RANBP2: variants seen among roughly 807,000 people sequenced by gnomAD.
RANBP2 encodes E3 SUMO-protein ligase RanBP2.
RANBP2 carries 57 observed loss-of-function variants against 303.6 expected under a neutral mutation model. The observed-to-expected ratio is 0.19, with a 90% CI of 0.15 to 0.23. The LOEUF is 0.23. Ranked by LOEUF, RANBP2 falls within the 10% of genes least tolerant of loss-of-function variation. The pLI, the probability that RANBP2 is intolerant of heterozygous loss-of-function variation, is 1.00. For synonymous variants in RANBP2, 1,167 were observed against 1,301.5 expected (o/e 0.90, Z 2.23); for missense variants, 3,138 against 3,780.8 (o/e 0.83, Z 4.46).
chr2:108,921,831 G>A, the RANBP2 span, among the ~76,000 whole-genome samples: 1 of 152,218 alleles, frequency 6.6e-6, no homozygotes, highest in Non-Finnish European at 1.5e-5. Context: ...CGAGGTCTGG[G>A]GCCTTGCCCA....
At chr2:109,213,675 G>T in the RANBP2 span, among the ~76,000 whole-genome samples, 1 of 152,190 alleles carries the variant, frequency 6.6e-6, no homozygotes, top group Admixed American at 6.5e-5. Flanking sequence ...CTAAGGTCAG[G>T]TCAAGATGGC....
At chr2:109,369,863 T>G in the RANBP2 span, among the ~76,000 whole-genome samples, 1 of 152,236 alleles carries the variant, frequency 6.6e-6, no homozygotes, top group African/African-American at 2.4e-5. Flanking sequence ...TCTCTCCCTC[T>G]GACCCCAAAA....
At chr2:109,564,588 C>T in the RANBP2 span, 1 of 1,396,604 alleles carries the variant, frequency 7.2e-7, no homozygotes, top group Non-Finnish European at 9.5e-7. Flanking sequence ...TCCTGGCACA[C>T]AACTAAGTGT....
chr2:109,417,886 A>G, the RANBP2 span, among the ~76,000 whole-genome samples: 1 of 152,216 alleles, frequency 6.6e-6, no homozygotes, highest in South Asian at 2.1e-4. Flanking sequence ...AAGCAAGGCC[A>G]GAACTGGTCA....
At chr2:108,756,575 T>G (rs1184826102) in intron 17 of RANBP2, among the ~76,000 whole-genome samples, 4 of 152,206 alleles carry the variant, frequency 2.6e-5, no homozygotes, top group Admixed American at 6.5e-5. Flanking sequence ...TTTTGAATGT[T>G]AATTCTGTGT....
the RANBP2 span, among the ~76,000 whole-genome samples, chr2:108,925,995 C>A: frequency 8.5e-5 from 13 of 152,312 alleles, no homozygotes; most frequent in African/African-American, 2.9e-4. Context: ...GTGTTCAGTG[C>A]CTCCTGACAA....
the RANBP2 span, among the ~76,000 whole-genome samples, chr2:109,654,356 T>C: frequency 1.3e-5 from 2 of 151,914 alleles, no homozygotes; most frequent in Non-Finnish European, 2.9e-5. Context: ...TAAAAAATGT[T>C]GTTAGGGTCA....
At chr2:109,405,497 C>T in the RANBP2 span, among the ~76,000 whole-genome samples, 2 of 152,098 alleles carry the variant, frequency 1.3e-5, no homozygotes. Flanking sequence ...CTTCTCCCTG[C>T]GCACCACGCT....
chr2:109,499,423 G>A, the RANBP2 span, among the ~76,000 whole-genome samples: 4 of 152,194 alleles, frequency 2.6e-5, no homozygotes, highest in East Asian at 3.9e-4. Flanking sequence ...TTAGATGTGC[G>A]GTCCAACACC....
At chr2:108,852,159 G>T in the RANBP2 span, among the ~76,000 whole-genome samples, 1 of 152,064 alleles carries the variant, frequency 6.6e-6, no homozygotes, top group Non-Finnish European at 1.5e-5. Context: ...TATTATTATT[G>T]TAATTTTACA....
At chr2:109,099,147 C>T in the RANBP2 span, among the ~76,000 whole-genome samples, 1 of 152,148 alleles carries the variant, frequency 6.6e-6, no homozygotes, top group Non-Finnish European at 1.5e-5. Context: ...TATCAGGTTA[C>T]AGGAGGAGCT....
the RANBP2 span, chr2:109,419,612 C>T: frequency 2.4e-5 from 38 of 1,591,140 alleles, no homozygotes; most frequent in African/African-American, 3.7e-4. Context: ...GAGCAGGGCA[C>T]GCCTCCCAAG....
At chr2:109,392,993 C>G in the RANBP2 span, among the ~76,000 whole-genome samples, 1 of 152,212 alleles carries the variant, frequency 6.6e-6, no homozygotes, top group Non-Finnish European at 1.5e-5. Flanking sequence ...TGCTTAGTCT[C>G]CTGAAGAATG....
At chr2:109,149,511 C>G in the RANBP2 span, among the ~76,000 whole-genome samples, 1 of 152,226 alleles carries the variant, frequency 6.6e-6, no homozygotes, top group Non-Finnish European at 1.5e-5. Context: ...ACAGGGCTCT[C>G]TACCATGAGG....
chr2:109,414,455 T>C, the RANBP2 span, among the ~76,000 whole-genome samples: 1 of 152,186 alleles, frequency 6.6e-6, no homozygotes, highest in Non-Finnish European at 1.5e-5. Context: ...ACCTGGCCCC[T>C]GTTACCATCA....
chr2:109,612,050 T>C, the RANBP2 span, among the ~76,000 whole-genome samples: 21 of 152,306 alleles, frequency 1.4e-4, 1 homozygote, highest in Admixed American at 1.2e-3. Context: ...TATAGCAGCT[T>C]TATTGCCAAT....
the RANBP2 span, among the ~76,000 whole-genome samples, chr2:109,511,914 G>T: frequency 6.6e-6 from 1 of 152,190 alleles, no homozygotes; most frequent in East Asian, 1.9e-4. Context: ...GGCACCCAGT[G>T]TGGTGCTGCC....
the RANBP2 span, among the ~76,000 whole-genome samples, chr2:109,195,624 CTCTT>C: frequency 6.6e-6 from 1 of 152,200 alleles, no homozygotes; most frequent in African/African-American, 2.4e-5. Flanking sequence ...GGAAGGATGC[CTCTT>C]TCCCCGCAGG....
At chr2:108,813,642 G>T in the RANBP2 span, among the ~76,000 whole-genome samples, 1 of 151,920 alleles carries the variant, frequency 6.6e-6, no homozygotes, top group Admixed American at 6.6e-5. Context: ...AATTACATAT[G>T]GTAACATAAT....
Sources: gnomAD v4.1 joint callset for allele counts (sites outside exome capture counted in the v4.1 genomes callset) on GRCh38, gnomAD v4.1.1 for gene constraint, MANE v1.5 for transcripts, NCBI Gene and HGNC (gene_info 2026-07-23, HGNC 2026-07-21) for gene names.